Variants in AHNAK observed in about 807,000 individuals in gnomAD.
AHNAK encodes the protein AHNAK nucleoprotein.
AHNAK carries 23 observed loss-of-function variants against 37.8 expected under a neutral mutation model. The ratio of observed to expected loss-of-function variants is 0.61; its 90% confidence interval spans 0.44 to 0.86. The LOEUF (loss-of-function observed/expected upper bound fraction) is 0.86. Ranked by LOEUF, AHNAK falls within the 40% of genes least tolerant of loss-of-function variation. AHNAK has a pLI of 0.00. For synonymous variants in AHNAK, 2,481 were observed against 2,636.3 expected (o/e 0.94, Z 1.80); for missense variants, 7,411 against 7,319.4 (o/e 1.01, Z -0.46).
intron 5 of AHNAK, among the ~76,000 whole-genome samples, chr11:62,445,094 C>A (rs949757988): frequency 2.6e-5 from 4 of 152,192 alleles, no homozygotes; most frequent in Non-Finnish European, 5.9e-5. Flanking sequence ...TCTGAACTCT[C>A]ACCCTGCCAG....
chr11:62,508,750 T>C (rs1017092474), intron 4 of AHNAK, among the ~76,000 whole-genome samples: 5 of 152,244 alleles, frequency 3.3e-5, no homozygotes, highest in African/African-American at 1.2e-4. Flanking sequence ...AAACAGCACA[T>C]GGCATTCCCG....
At chr11:62,440,097 T>C (rs925078002) in intron 5 of AHNAK, among the ~76,000 whole-genome samples, 1 of 152,238 alleles carries the variant, frequency 6.6e-6, no homozygotes. Context: ...TGTGGCCTGA[T>C]GCACAGCTAT....
At chr11:62,473,966 C>T in intron 5 of AHNAK, among the ~76,000 whole-genome samples, 1 of 151,582 alleles carries the variant, frequency 6.6e-6, no homozygotes, top group East Asian at 1.9e-4. Flanking sequence ...AACCACTACA[C>T]TCCAGCCTGG....
At chr11:62,438,305 C>G (rs933881146) in intron 5 of AHNAK, among the ~76,000 whole-genome samples, 8 of 150,880 alleles carry the variant, frequency 5.3e-5, no homozygotes, top group Non-Finnish European at 1.2e-4. Flanking sequence ...GCCTCGGACT[C>G]CCGAGTAGCT....
intron 5 of AHNAK, among the ~76,000 whole-genome samples, chr11:62,441,990 AC>A (rs986776609): frequency 6.6e-6 from 1 of 152,016 alleles, no homozygotes; most frequent in African/African-American, 2.4e-5. Flanking sequence ...GGCGCAAATC[AC>A]CCTACTCCTT....
Position 62,520,324 on chromosome 11 carries a change from T to C in AHNAK, c.14093A>G (p.Glu4698Gly). Residue 4698 changes from glutamate to glycine, a missense_variant, in exon 5 of 5, where the codon GAA (glutamate) becomes GGA (glycine). Physicochemically the swap from Glu to Gly is moderately conservative, Grantham distance 98. Transcript: ENST00000378024. ...VDVDVPDVNI[E>G]GPDAKLKGPK... ...GCCCTTTAGTTTCGCATCTGGACCT[T>C]CGATATTCACATCAGGAACATCAAC... 1 of 1,613,296 alleles carries C rather than the reference T, an allele frequency of 6.2e-7. No individual in the cohort carries two copies. The highest frequency in any genetic ancestry group is 8.5e-7 in the Non-Finnish European group (1 of 1,179,870).
chr11:62,523,733 C>G lies in AHNAK; in HGVS notation c.10684G>C (p.Asp3562His). The stretch of plus-strand genomic sequence containing the variant: ...CCTTCAAGTTTGGGAAGAGAAATAT[C>G]CACATCACCTTTCACCTTGGGGCCT... Reference protein sequence around the residue: ...LKGPKVKGDVDISLPKLEGDL... With the variant: ...LKGPKVKGDVHISLPKLEGDL... Residue 3562 changes from aspartate to histidine, a missense_variant, in exon 5 of 5, where the codon GAT (aspartate) becomes CAT (histidine). Coordinates refer to ENST00000378024, the MANE Select transcript of AHNAK (RefSeq NM_001620.3). 6.2e-7 allele frequency: 1 copy of G among 1,613,732 alleles called. No individual in the cohort carries two copies. Among genetic ancestry groups the G allele is most frequent in the Non-Finnish European group, 8.5e-7 (1 of 1,179,944 alleles).
At chr11:62,462,800 A>G (rs1208323192) in intron 5 of AHNAK, among the ~76,000 whole-genome samples, 1 of 152,162 alleles carries the variant, frequency 6.6e-6, no homozygotes, top group East Asian at 1.9e-4. Flanking sequence ...GAAGAAATAG[A>G]TGAGGATGGA....
Position 62,522,811 on chromosome 11 carries a change from T to C in AHNAK, c.11606A>G (p.Lys3869Arg), listed in dbSNP as rs771321248. 1 of 1,613,984 alleles carries C rather than the reference T, an allele frequency of 6.2e-7. No homozygotes were observed. The highest frequency in any genetic ancestry group is 1.1e-5 in the South Asian group (1 of 91,052). ...GTCAGGCATGGAGATCTTGGGGGCT[T>C]TGATGTTCATCTCAGGCATCTTGAA... Reference protein sequence around the residue: ...PKFKMPEMNIKAPKISMPDID... With the variant: ...PKFKMPEMNIRAPKISMPDID... Residue 3869 changes from lysine to arginine, a missense_variant, in exon 5 of 5, where the codon AAA becomes AGA. Physicochemically the swap from Lys to Arg is conservative, Grantham distance 26 (BLOSUM62 2). Transcript: ENST00000378024.
chr11:62,543,676 C>T (rs903048752), intron 1 of AHNAK, among the ~76,000 whole-genome samples: 5 of 152,222 alleles, frequency 3.3e-5, no homozygotes, highest in Middle Eastern at 3.2e-3. Context: ...GGAAATTGCT[C>T]GTGCTCAGGA....
intron 5 of AHNAK, among the ~76,000 whole-genome samples, chr11:62,482,026 T>C (rs1369671515): frequency 6.6e-6 from 1 of 152,160 alleles, no homozygotes; most frequent in Non-Finnish European, 1.5e-5. Flanking sequence ...TCAGCCATGC[T>C]CACTCCATCC....
intron 5 of AHNAK, among the ~76,000 whole-genome samples, chr11:62,490,758 G>A (rs1375046413): frequency 6.6e-6 from 1 of 151,998 alleles, no homozygotes; most frequent in Admixed American, 6.6e-5. Context: ...ATGTTGAGAG[G>A]CCATACATTC....
At position 62,530,322 on chromosome 11, in the gene AHNAK, G is replaced by T; in HGVS notation, c.4095C>A (p.Asp1365Glu). The T allele has an allele frequency of 6.2e-6, 10 of 1,613,302 alleles. No individual in the cohort carries two copies. Among genetic ancestry groups the T allele is most frequent in the Non-Finnish European group, 8.5e-6 (10 of 1,179,836 alleles). The change falls in exon 5 of 5, where the codon GAC becomes GAA. Residue 1365 changes from aspartate to glutamate, a missense_variant. Physicochemically the swap from Asp to Glu is conservative, Grantham distance 45. Transcript: ENST00000378024. ...GAACATCCACATCTGGAGCACTAAT[G>T]TCAACTTTGGGCCCTTTAATGTCAA... ...PDVDIKGPKV[D>E]ISAPDVDVHG...
chr11:62,494,074 A>G (rs2134168521), intron 4 of AHNAK, among the ~76,000 whole-genome samples: 2 of 152,228 alleles, frequency 1.3e-5, no homozygotes, highest in East Asian at 3.9e-4. Flanking sequence ...GAATGGTGTA[A>G]GAGTCTTTCA....
intron 5 of AHNAK, among the ~76,000 whole-genome samples, chr11:62,450,226 C>A (rs549585129): frequency 1.3e-5 from 2 of 151,744 alleles, no homozygotes; most frequent in Non-Finnish European, 2.9e-5. Context: ...TGTGATCTCA[C>A]GGCACACGGC....
chr11:62,529,689 C>A lies in AHNAK; in HGVS notation c.4728G>T (p.Thr1576=). Reference sequence around the variant, plus strand: ...CAACATCAGGCATAGAGATTTTGTGCGTCTGTATATTCATGCTTGGCATCT... The same window carrying A: ...CAACATCAGGCATAGAGATTTTGTGAGTCTGTATATTCATGCTTGGCATCT... The part of the protein sequence containing the change: ...KFKMPSMNIQ[T]HKISMPDVGL... The change falls in exon 5 of 5, where the codon ACG becomes ACT. Residue 1576 remains threonine, a synonymous_variant. Coordinates refer to ENST00000378024, the MANE Select transcript of AHNAK (RefSeq NM_001620.3). 3.1e-6 allele frequency: 5 copies of A among 1,613,936 alleles called. No homozygotes were observed. The highest frequency in any genetic ancestry group is 4.2e-6 in the Non-Finnish European group (5 of 1,179,984).
chr11:62,458,582 A>G (rs1938718209), intron 5 of AHNAK, among the ~76,000 whole-genome samples: 1 of 152,158 alleles, frequency 6.6e-6, no homozygotes, highest in Non-Finnish European at 1.5e-5. Context: ...GGGTGGGAGG[A>G]GGGCAGAAAA....
intron 5 of AHNAK, among the ~76,000 whole-genome samples, chr11:62,454,930 A>T (rs1487692690): frequency 1.2e-4 from 16 of 134,690 alleles, no homozygotes; most frequent in African/African-American, 2.3e-4. Context: ...TTATTTATTT[A>T]TTTTTTTTTT....
intron 5 of AHNAK, among the ~76,000 whole-genome samples, chr11:62,439,183 C>A (rs1310381547): frequency 6.6e-6 from 1 of 150,486 alleles, no homozygotes; most frequent in Non-Finnish European, 1.5e-5. Context: ...AAGCTCTGAC[C>A]ACCCGGGTTC....
Sources: gnomAD v4.1 joint callset for allele counts (sites outside exome capture counted in the v4.1 genomes callset) on GRCh38, gnomAD v4.1.1 for gene constraint, MANE v1.5 for transcripts, NCBI Gene and HGNC (gene_info 2026-07-23, HGNC 2026-07-21) for gene names.